ZNF654: variants seen among roughly 807,000 people sequenced by gnomAD.
ZNF654 encodes the protein melanoma-associated antigen.
In ZNF654, 19 loss-of-function variants were observed where a neutral mutation model predicts 95.3. The ratio of observed to expected loss-of-function variants is 0.20; its 90% CI spans 0.14 to 0.29. The LOEUF (loss-of-function observed/expected upper bound fraction) is 0.29. ZNF654 is among the 10% of genes least tolerant of loss of function. The pLI is 1.00. For synonymous variants in ZNF654, 413 were observed against 457.9 expected (o/e 0.90, Z 1.25); for missense variants, 1,046 against 1,341.0 (o/e 0.78, Z 3.44).
At chr3:88,094,958 AAC>A (rs1703974271) in intron 2 of ZNF654, among the ~76,000 whole-genome samples, 1 of 152,160 alleles carries the variant, frequency 6.6e-6, no homozygotes. Context: ...TTACAAAGAA[AAC>A]TTATGAGAAA....
chr3:88,099,906 A>G (rs1247989504), intron 2 of ZNF654, among the ~76,000 whole-genome samples: 1 of 152,240 alleles, frequency 6.6e-6, no homozygotes, highest in African/African-American at 2.4e-5. Flanking sequence ...TTGAGGACAT[A>G]GGCATGGGCA....
chr3:88,071,375 TG>T (rs1452188896), intron 1 of ZNF654, among the ~76,000 whole-genome samples: 4 of 152,264 alleles, frequency 2.6e-5, no homozygotes, highest in African/African-American at 9.6e-5. Context: ...CCGGGTGCAG[TG>T]GCTCACTCCT....
chr3:88,090,402 A>G (rs1708568582), intron 2 of ZNF654, among the ~76,000 whole-genome samples: 1 of 152,148 alleles, frequency 6.6e-6, no homozygotes, highest in Non-Finnish European at 1.5e-5. Context: ...AAAATGAAAA[A>G]ATTTTTAAAA....
chr3:88,121,695 T>C (rs1705777574), intron 3 of ZNF654, among the ~76,000 whole-genome samples: 1 of 152,214 alleles, frequency 6.6e-6, no homozygotes. Flanking sequence ...TAATAAGATT[T>C]ATGATTATTC....
chr3:88,064,043 A>G (rs1353367914), intron 1 of ZNF654, among the ~76,000 whole-genome samples: 1 of 151,824 alleles, frequency 6.6e-6, no homozygotes, highest in African/African-American at 2.4e-5. Context: ...TTTGATCAAC[A>G]CATGCCTATG....
intron 1 of ZNF654, among the ~76,000 whole-genome samples, chr3:88,075,566 C>A (rs1277593300): frequency 9.9e-5 from 15 of 152,170 alleles, no homozygotes; most frequent in African/African-American, 3.4e-4. Context: ...CTCTTTTAGA[C>A]CTTTTCTTTG....
At chr3:88,069,964 G>GT (rs545636141) in intron 1 of ZNF654, among the ~76,000 whole-genome samples, 14 of 152,014 alleles carry the variant, frequency 9.2e-5, no homozygotes, top group Non-Finnish European at 5.9e-5. Context: ...CAATGGATGT[G>GT]TTTTTTTGGC....
rs1705008484 is a variant in ZNF654 at position 88,110,278 on chromosome 3, C to A, written c.333-2837C>A. Reference sequence around the variant, plus strand: ...TGAGATTCAAACCCAAACAGCTAGACCATGGGTCTGTAAAGGACCAGATAC... The same window carrying A: ...TGAGATTCAAACCCAAACAGCTAGAACATGGGTCTGTAAAGGACCAGATAC... On this transcript the variant is annotated intron_variant, in intron 2 of 8. Transcript: ENST00000636215. 2.0e-5 allele frequency among the ~76,000 whole-genome samples: 3 copies of A among 152,066 alleles called. No individual in the cohort carries two copies. The South Asian group carries it at 6.2e-4, about 31-fold the overall frequency.
rs11370327 is a variant in ZNF654, at chr3:88,129,321, TAA to T, written c.753+333_753+334del. Reference sequence around the variant, plus strand: ...CAACAAGCTCACAGCTTGCCAGGAGTAAAAAAAAAAAAAAAAAAAAAAAACCC... The same window carrying T: ...CAACAAGCTCACAGCTTGCCAGGAGTAAAAAAAAAAAAAAAAAAAAAACCC... On this transcript the variant is annotated intron_variant, in intron 5 of 8. Transcript: ENST00000636215. Among the ~76,000 whole-genome samples, 10 of 76,926 alleles carry T rather than the reference TAA, an allele frequency of 1.3e-4. No individual in the cohort carries two copies. The East Asian group carries it at 1.6e-3, about 12-fold the overall frequency. The allele number at this position is 76,926 out of a possible 152,430, so 50.5% of individuals were successfully genotyped here.
intron 1 of ZNF654, among the ~76,000 whole-genome samples, 179 bp downstream of exon 1, chr3:88,059,684 G>A (rs1392840219): frequency 6.6e-6 from 1 of 152,088 alleles, no homozygotes; most frequent in African/African-American, 2.4e-5. Context: ...GGGGAGCAAG[G>A]CGAGGGTGAC....
rs1334838422 is a variant in ZNF654, at chr3:88,129,728, C to G, written c.795C>G (p.Ile265Met). ...ATTGTAAGAGTGGAATTGATATCAT[C>G]TGTAATGCTGAAAAAGAAGGCAAAA... The part of the protein sequence containing the change: ...KTDCKSGIDI[I>M]CNAEKEGKTM... Residue 265 changes from isoleucine (I) to methionine (M), a missense_variant, in exon 6 of 9, where the codon ATC (isoleucine) becomes ATG (methionine). By Grantham distance (10) the Ile-to-Met change is conservative. Coordinates refer to ENST00000636215, the MANE Select transcript of ZNF654 (RefSeq NM_001350134.2). 11 of 1,527,326 alleles carry G rather than the reference C, an allele frequency of 7.2e-6. No homozygotes were observed. Among genetic ancestry groups the G allele is most frequent in the Non-Finnish European group, 8.8e-6 (10 of 1,141,126 alleles). 94.6% of individuals were successfully genotyped at this position (1,527,326 alleles called of 1,614,324 possible).
chr3:88,132,631 T>C (rs1008138697), intron 6 of ZNF654, among the ~76,000 whole-genome samples: 10 of 152,212 alleles, frequency 6.6e-5, no homozygotes, highest in South Asian at 2.1e-4. Flanking sequence ...CAAAAATCCA[T>C]AGTGGTAGTC....
intron 2 of ZNF654, chr3:88,095,896 C>G: frequency 2.3e-6 from 1 of 426,492 alleles, no homozygotes; most frequent in Non-Finnish European, 4.5e-6. Flanking sequence ...ACATGCCTGT[C>G]TAGCACCTTC....
chr3:88,138,120 T>C (rs950653095), intron 7 of ZNF654, among the ~76,000 whole-genome samples: 9 of 152,220 alleles, frequency 5.9e-5, no homozygotes, highest in Admixed American at 5.2e-4. Context: ...CTGAGGCTTA[T>C]ATACCTTATT....
rs1707327898 is a variant in ZNF654 at position 88,068,537 on chromosome 3, G to C, written c.186+9032G>C. 2.0e-5 allele frequency among the ~76,000 whole-genome samples: 3 copies of C among 151,912 alleles called. No individual in the cohort carries two copies. In the South Asian group the frequency reaches 6.2e-4, roughly 32 times the overall value. ...TTATTGACATCAACCAGTATGTTTT[G>C]GTTACTCTAAAGTTGAAATATTATA... On this transcript the variant is annotated intron_variant, in intron 1 of 8. Transcript: ENST00000636215.
intron 1 of ZNF654, among the ~76,000 whole-genome samples, chr3:88,079,035 A>T (rs1215573024): frequency 6.6e-6 from 1 of 152,076 alleles, no homozygotes; most frequent in African/African-American, 2.4e-5. Flanking sequence ...TGAAACTAAG[A>T]ATGGGAAAAG....
chr3:88,137,149 C>T (rs575196551), intron 7 of ZNF654, among the ~76,000 whole-genome samples: 5 of 120,382 alleles, frequency 4.2e-5, no homozygotes, highest in Admixed American at 2.3e-4. Context: ...GAGCTGAGAT[C>T]ATGCCATTCT....
At position 88,106,609 on chromosome 3, in the gene ZNF654, C is replaced by T. The variant is rs141884034; in HGVS notation, c.333-6506C>T. On this transcript the variant is annotated intron_variant, in intron 2 of 8. Coordinates refer to ENST00000636215, the MANE Select transcript of ZNF654 (RefSeq NM_001350134.2). ...CCACCCACCTCGGCCTCCCAGAGTG[C>T]TGGGATTACAGGTGTGAGCCACTGG... is the stretch of plus-strand genomic sequence containing the variant. Among the ~76,000 whole-genome samples, 87 of 152,314 alleles carry T rather than the reference C, an allele frequency of 5.7e-4. No individual in the cohort carries two copies. In the East Asian group the frequency reaches 0.014, roughly 25 times the overall value.
chr3:88,140,616 A>G lies in ZNF654; in HGVS notation c.2947A>G (p.Ile983Val). The change falls in exon 8 of 9, where the codon ATA becomes GTA. Residue 983 changes from isoleucine (I) to valine (V), a missense_variant. Transcript: ENST00000636215. ...SSDIVNGHSE[I>V]EQTPLVSSDP... ...TGATATAGTCAATGGACACAGTGAA[A>G]TAGAGCAAACACCTTTAGTTTCATC... 6.2e-7 allele frequency: 1 copy of G among 1,613,770 alleles called. No individual in the cohort carries two copies. Among genetic ancestry groups the G allele is most frequent in the Middle Eastern group, 1.6e-4 (1 of 6,062 alleles).
Sources: gnomAD v4.1 joint callset for allele counts (sites outside exome capture counted in the v4.1 genomes callset) on GRCh38, gnomAD v4.1.1 for gene constraint, MANE v1.5 for transcripts, NCBI Gene and HGNC (gene_info 2026-07-23, HGNC 2026-07-21) for gene names.